Variants in ROR2 observed in about 807,000 individuals in gnomAD.
ROR2 encodes the protein ROR family WNT receptor 2.
ROR2 carries 33 observed loss-of-function variants against 74.9 expected under a neutral mutation model. That is an observed-to-expected ratio of 0.44 (90% CI 0.33 to 0.59). The LOEUF (loss-of-function observed/expected upper bound fraction) is 0.59, where lower values mean the gene tolerates loss of function less well. Ranked by LOEUF, ROR2 falls within the 20% of genes least tolerant of loss-of-function variation. ROR2 has a pLI of 0.02. For synonymous variants in ROR2, 586 were observed against 558.7 expected (o/e 1.05, Z -0.69); for missense variants, 1,216 against 1,313.8 (o/e 0.93, Z 1.15).
chr9:91,806,893 A>G (rs1163688711), intron 1 of ROR2, among the ~76,000 whole-genome samples: 2 of 152,170 alleles, frequency 1.3e-5, no homozygotes, highest in Non-Finnish European at 2.9e-5. Flanking sequence ...CTGGCCGATC[A>G]TATTGAGTTT....
intron 2 of ROR2, among the ~76,000 whole-genome samples, chr9:91,769,485 C>A (rs1826161422): frequency 6.6e-6 from 1 of 152,174 alleles, no homozygotes; most frequent in Non-Finnish European, 1.5e-5. Context: ...GGACACCACC[C>A]CCCACTCCTG....
At chr9:91,911,933 C>CAAAAAAAAAAAAAAAAAA (rs747087662) in intron 1 of ROR2, among the ~76,000 whole-genome samples, 2 of 76,392 alleles carry the variant, frequency 2.6e-5, no homozygotes, top group African/African-American at 9.6e-5. Flanking sequence ...TGAGTCTAAG[C>CAAAAAAAAAAAAAAAAAA]AAAAAAAAAA....
intron 1 of ROR2, among the ~76,000 whole-genome samples, chr9:91,941,994 T>G (rs1831885256): frequency 6.6e-6 from 1 of 152,136 alleles, no homozygotes; most frequent in Admixed American, 6.5e-5. Flanking sequence ...TTTCACCATG[T>G]TGGCCAGGCT....
intron 1 of ROR2, among the ~76,000 whole-genome samples, chr9:91,931,324 G>A (rs1026629841): frequency 2.0e-5 from 3 of 152,316 alleles, no homozygotes; most frequent in South Asian, 2.1e-4. Context: ...TTAATTAGAA[G>A]TAAAAGGGAC....
At chr9:91,818,820 C>T (rs1325348918) in intron 1 of ROR2, among the ~76,000 whole-genome samples, 1 of 152,156 alleles carries the variant, frequency 6.6e-6, no homozygotes, top group Non-Finnish European at 1.5e-5. Flanking sequence ...CCTCTGGCCT[C>T]TCTTAGTTGC....
intron 2 of ROR2, among the ~76,000 whole-genome samples, chr9:91,772,187 G>A (rs1399290829): frequency 6.6e-6 from 1 of 152,156 alleles, no homozygotes; most frequent in African/African-American, 2.4e-5. Flanking sequence ...CACACTACAG[G>A]ACCAGATAAT....
chr9:91,909,841 TG>T lies in ROR2; in HGVS notation c.97+40025del, dbSNP rs1235933016. On this transcript the variant is annotated intron_variant, in intron 1 of 8. Coordinates refer to ENST00000375708, the MANE Select transcript of ROR2 (RefSeq NM_004560.4). ...CTTTATTCTTTTTTTTTTTTAGGTTTGTTTTGTTTTTTTTTTTTTTTTTTTT... is the reference window on the plus strand; with the variant it reads ...CTTTATTCTTTTTTTTTTTTAGGTTTTTTTGTTTTTTTTTTTTTTTTTTTT... Among the ~76,000 whole-genome samples, 859 of 89,760 alleles carry T rather than the reference TG, an allele frequency of 9.6e-3. 17 individuals are homozygous for T. Among genetic ancestry groups the T allele is most frequent in the African/African-American group, 0.034 (593 of 17,594 alleles). The allele number at this position is 89,760 out of a possible 152,430, so 58.9% of individuals were successfully genotyped here. A position where few individuals can be genotyped will look rare whatever the true frequency, so the allele number is the denominator to read the frequency against.
intron 1 of ROR2, among the ~76,000 whole-genome samples, chr9:91,914,966 C>T (rs1382533845): frequency 2.1e-5 from 3 of 140,806 alleles, no homozygotes; most frequent in African/African-American, 7.5e-5. Flanking sequence ...GGTCCATCAC[C>T]CCTGTCAGAA....
At chr9:91,897,385 A>C (rs961415703) in intron 1 of ROR2, among the ~76,000 whole-genome samples, 2 of 152,258 alleles carry the variant, frequency 1.3e-5, no homozygotes, top group African/African-American at 2.4e-5. Flanking sequence ...GTCTTCTGGC[A>C]TGTTCTCCTC....
chr9:91,786,393 A>T lies in ROR2; in HGVS notation c.98-10575T>A, dbSNP rs149058373. On this transcript the variant is annotated intron_variant, in intron 1 of 8. Coordinates refer to ENST00000375708, the MANE Select transcript of ROR2 (RefSeq NM_004560.4). ...AAATAAATAAATAAATGGGCAATATACTAGAGAATCCACTTCCAGAGTGGC... is the reference window on the plus strand; with the variant it reads ...AAATAAATAAATAAATGGGCAATATTCTAGAGAATCCACTTCCAGAGTGGC... Among the ~76,000 whole-genome samples, 6 of 152,164 alleles carry T rather than the reference A, an allele frequency of 3.9e-5. No homozygotes were observed. In the East Asian group the frequency reaches 1.2e-3, roughly 29 times the overall value.
chr9:91,746,702 C>G (rs1825431114), intron 4 of ROR2, among the ~76,000 whole-genome samples: 1 of 152,168 alleles, frequency 6.6e-6, no homozygotes, highest in Non-Finnish European at 1.5e-5. Context: ...GGGTCACAAA[C>G]ATCTGGATGG....
intron 1 of ROR2, among the ~76,000 whole-genome samples, chr9:91,866,570 C>A (rs1829641173): frequency 6.6e-6 from 1 of 152,024 alleles, no homozygotes; most frequent in African/African-American, 2.4e-5. Flanking sequence ...GCTGCGCCAC[C>A]ACGCTTAGCT....
At chr9:91,776,212 T>C (rs1826416870) in intron 1 of ROR2, among the ~76,000 whole-genome samples, 1 of 152,178 alleles carries the variant, frequency 6.6e-6, no homozygotes, top group Non-Finnish European at 1.5e-5. Context: ...ATGGAGGTCC[T>C]GGTAACTGGG....
Position 91,723,285 on chromosome 9 carries a change from A to C in ROR2, c.*377T>G. On this transcript the variant is annotated 3_prime_UTR_variant, in exon 9 of 9. Coordinates refer to ENST00000375708, the MANE Select transcript of ROR2 (RefSeq NM_004560.4). ...TCCTCGCTGCCTTTTGCAGGCCCTT[A>C]TTCCCAACGTTTTGAAATATTCACT... The C allele has an allele frequency of 4.9e-6, 1 of 202,650 alleles. No individual in the cohort carries two copies. The highest frequency in any genetic ancestry group is 1.2e-4 in the East Asian group (1 of 8,066). 12.6% of individuals were successfully genotyped at this position (202,650 alleles called of 1,614,324 possible).
chr9:91,725,165 C>G (rs2118630613), intron 8 of ROR2, 58 bp from the exon 9 acceptor site: 2 of 1,606,904 alleles, frequency 1.2e-6, no homozygotes, highest in Non-Finnish European at 1.7e-6. Flanking sequence ...CTGGAGGAAG[C>G]TGCAGAGCAG....
chr9:91,739,635 G>A (rs960636878), intron 4 of ROR2, among the ~76,000 whole-genome samples: 3 of 151,786 alleles, frequency 2.0e-5, no homozygotes, highest in South Asian at 2.1e-4. Flanking sequence ...ACCTTCTCAA[G>A]CTTCTGCAGA....
chr9:91,926,062 G>C (rs1305385006), intron 1 of ROR2, among the ~76,000 whole-genome samples: 1 of 151,464 alleles, frequency 6.6e-6, no homozygotes, highest in African/African-American at 2.4e-5. Flanking sequence ...TGGCCAACAT[G>C]GCAAAACCCC....
At chr9:91,915,936 C>T (rs1831121356) in intron 1 of ROR2, among the ~76,000 whole-genome samples, 1 of 152,244 alleles carries the variant, frequency 6.6e-6, no homozygotes, top group African/African-American at 2.4e-5. Flanking sequence ...CTGGCTTCAC[C>T]TCTCAAAATG....
intron 1 of ROR2, among the ~76,000 whole-genome samples, chr9:91,820,379 G>C (rs1458506748): frequency 6.6e-6 from 1 of 152,160 alleles, no homozygotes; most frequent in Non-Finnish European, 1.5e-5. Flanking sequence ...GAGACCAATG[G>C]AAGCAGAATT....
Sources: allele counts gnomAD v4.1 joint callset (sites outside exome capture counted in the v4.1 genomes callset), GRCh38; gene constraint gnomAD v4.1.1; transcripts MANE v1.5; gene names NCBI Gene and HGNC (gene_info 2026-07-23, HGNC 2026-07-21).